Variants in OS9 observed in about 807,000 individuals in gnomAD.
OS9 encodes the protein OS9 endoplasmic reticulum lectin.
OS9 carries 58 observed loss-of-function variants against 84.7 expected under a neutral mutation model. The observed-to-expected ratio is 0.68, with a 90% CI of 0.55 to 0.85. The LOEUF (loss-of-function observed/expected upper bound fraction) is 0.85, where lower values mean the gene tolerates loss of function less well. Among genes scored for constraint, OS9 ranks in the 40% least tolerant of loss-of-function variants. OS9 has a pLI of 0.00. For synonymous variants in OS9, 278 were observed against 320.8 expected (o/e 0.87, Z 1.43); for missense variants, 760 against 850.9 (o/e 0.89, Z 1.33).
chr12:57,721,039 G>T lies in OS9; in HGVS notation c.*130G>T. 2 of 1,095,366 alleles carry T rather than the reference G, an allele frequency of 1.8e-6. No individual in the cohort carries two copies. The highest frequency in any genetic ancestry group is 1.5e-5 in the South Asian group (1 of 68,530). The allele number at this position is 1,095,366 out of a possible 1,614,324, so 67.9% of individuals were successfully genotyped here. ...GTGGAGCTGAGCTGTGGACCTCTCG[G>T]GCAACTCTGTGGGTGTGGGGGCCCT... On this transcript the variant is annotated 3_prime_UTR_variant, in exon 15 of 15. Transcript: ENST00000315970.
In OS9 at chr12:57,720,132, T is replaced by C. The variant is rs922266615; in HGVS notation, c.1634T>C (p.Val545Ala). The change falls in exon 13 of 15, where the codon GTC becomes GCC. Residue 545 changes from valine to alanine, a missense_variant. Coordinates refer to ENST00000315970, the MANE Select transcript of OS9 (RefSeq NM_006812.4). Reference sequence around the variant, plus strand: ...CCTGAGCACAGAGTCCGGGTCCGGGTCACCAAGCTCCGTCTCGGAGGCCCT... The same window carrying C: ...CCTGAGCACAGAGTCCGGGTCCGGGCCACCAAGCTCCGTCTCGGAGGCCCT... ...EDPEHRVRVR[V>A]TKLRLGGPNQ... The C allele has an allele frequency of 1.9e-6, 3 of 1,613,518 alleles. No individual in the cohort carries two copies. Among genetic ancestry groups the C allele is most frequent in the African/African-American group, 2.7e-5 (2 of 74,740 alleles).
At chr12:57,702,146 A>AACAGTCTTT (rs1161118014) in intron 5 of OS9, among the ~76,000 whole-genome samples, 1 of 152,190 alleles carries the variant, frequency 6.6e-6, no homozygotes, top group Non-Finnish European at 1.5e-5. Flanking sequence ...TTATCATTCT[A>AACAGTCTTT]ACAGTCTTTA....
chr12:57,712,224 T>A (rs1954353381), intron 5 of OS9, among the ~76,000 whole-genome samples: 1 of 152,222 alleles, frequency 6.6e-6, no homozygotes, highest in Non-Finnish European at 1.5e-5. Flanking sequence ...GTCAAGATTT[T>A]GTTTTTAAAA....
chr12:57,710,520 C>T (rs1291617242), intron 5 of OS9, among the ~76,000 whole-genome samples: 1 of 152,048 alleles, frequency 6.6e-6, no homozygotes, highest in Non-Finnish European at 1.5e-5. Context: ...TTCCTTCCTT[C>T]TACTTTTCTG....
chr12:57,695,108 T>C (rs1953786906), intron 2 of OS9, 182 bp downstream of exon 2: 3 of 608,558 alleles, frequency 4.9e-6, no homozygotes, highest in Non-Finnish European at 8.7e-6. Context: ...GATGACACTT[T>C]GCTGAACGTA....
intron 13 of OS9, 29 bp downstream of exon 13, chr12:57,720,292 T>A: frequency 6.2e-7 from 1 of 1,612,938 alleles, no homozygotes; most frequent in Middle Eastern, 1.7e-4. Context: ...CTGGACCCAG[T>A]GCTGTCGGAA....
chr12:57,700,765 G>A (rs1227016043), intron 5 of OS9, among the ~76,000 whole-genome samples: 2 of 151,312 alleles, frequency 1.3e-5, no homozygotes, highest in Admixed American at 6.6e-5. Context: ...AGGTACAGTA[G>A]AAAAAGTGAG....
intron 5 of OS9, among the ~76,000 whole-genome samples, chr12:57,715,286 C>T (rs974021264): frequency 2.0e-5 from 3 of 152,070 alleles, no homozygotes; most frequent in Non-Finnish European, 4.4e-5. Context: ...TCGCTTGAAC[C>T]CAGGAGGCGG....
At chr12:57,711,994 G>T (rs935561787) in intron 5 of OS9, among the ~76,000 whole-genome samples, 1 of 152,178 alleles carries the variant, frequency 6.6e-6, no homozygotes, top group Admixed American at 6.5e-5. Context: ...GATATTTAAA[G>T]ATTGTCTTTT....
At chr12:57,716,301 A>G in intron 7 of OS9, 108 bp downstream of exon 7, 1 of 1,035,312 alleles carries the variant, frequency 9.7e-7, no homozygotes, top group Non-Finnish European at 1.5e-6. Flanking sequence ...GAAAAGTACC[A>G]TGGGCCCTCC....
intron 5 of OS9, among the ~76,000 whole-genome samples, chr12:57,709,318 G>A (rs188936452): frequency 3.9e-5 from 6 of 152,154 alleles, no homozygotes. Flanking sequence ...TTCACTCTGA[G>A]TACTATTTTG....
chr12:57,715,563 T>C, intron 5 of OS9, 197 bp from the exon 6 acceptor site: 1 of 504,008 alleles, frequency 2.0e-6, no homozygotes. Context: ...ACCTGTTTCT[T>C]GAGGCACGAA....
At position 57,719,142 on chromosome 12, in the gene OS9, G is replaced by C; in HGVS notation, c.1560G>C (p.Arg520Ser). 5 of 1,614,106 alleles carry C rather than the reference G, an allele frequency of 3.1e-6. No individual in the cohort carries two copies. The highest frequency in any genetic ancestry group is 4.2e-6 in the Non-Finnish European group (5 of 1,180,024). Residue 520 changes from arginine (R) to serine (S), a missense_variant, in exon 12 of 15, where the codon AGG becomes AGC. Coordinates refer to ENST00000315970, the MANE Select transcript of OS9 (RefSeq NM_006812.4). ...TGGTGAAGAAGCACAAGAAAAAGAG[G>C]GTTGTCCCCAAAAAGCCTCCCCCAT... ...PELVKKHKKK[R>S]VVPKKPPPSP... is the part of the protein sequence containing the mutation.
At chr12:57,718,919 C>G in intron 11 of OS9, 74 bp from the exon 12 acceptor site, 1 of 1,061,542 alleles carries the variant, frequency 9.4e-7, no homozygotes, top group Non-Finnish European at 1.4e-6. Flanking sequence ...ATCAGACTCT[C>G]CTACAGAGCC....
At chr12:57,702,198 CACT>C (rs1210215004) in intron 5 of OS9, among the ~76,000 whole-genome samples, 1 of 152,324 alleles carries the variant, frequency 6.6e-6, no homozygotes, top group East Asian at 1.9e-4. Context: ...CTATCACCAT[CACT>C]ACTATTTCCA....
Position 57,694,814 on chromosome 12 carries a change from C to T in OS9, c.227C>T (p.Pro76Leu). 6.2e-7 allele frequency: 1 copy of T among 1,614,044 alleles called. No homozygotes were observed. Among genetic ancestry groups the T allele is most frequent in the Non-Finnish European group, 8.5e-7 (1 of 1,179,914 alleles). ...AAACAGCGCTATGAGTGTCGCCTGC[C>T]AGCTGGAGCTATTCACTTCCAGCGT... ...KYKQRYECRL[P>L]AGAIHFQRER... The change falls in exon 2 of 15, where the codon CCA becomes CTA. Residue 76 changes from proline to leucine, a missense_variant. Physicochemically the swap from Pro to Leu is moderately conservative, Grantham distance 98. Transcript: ENST00000315970.
intron 12 of OS9, 200 bp downstream of exon 12, chr12:57,719,382 G>C: frequency 1.7e-6 from 1 of 585,150 alleles, no homozygotes; most frequent in South Asian, 2.1e-5. Flanking sequence ...ATCCCTCTGG[G>C]AAGCAGCTTT....
chr12:57,703,982 C>T (rs558477157), intron 5 of OS9, among the ~76,000 whole-genome samples: 1 of 151,478 alleles, frequency 6.6e-6, no homozygotes, highest in Non-Finnish European at 1.5e-5. Context: ...TGAAGACATT[C>T]CCTCCTATTC....
intron 5 of OS9, among the ~76,000 whole-genome samples, chr12:57,704,963 C>T (rs11172305): frequency 0.1 from 15,901 of 152,188 alleles, 1,123 homozygotes; most frequent in Admixed American, 0.21. Context: ...GACCTAGATA[C>T]ACCTATTTTC....
Sources: gnomAD v4.1 joint callset for allele counts (sites outside exome capture counted in the v4.1 genomes callset) on GRCh38, gnomAD v4.1.1 for gene constraint, MANE v1.5 for transcripts, NCBI Gene and HGNC (gene_info 2026-07-23, HGNC 2026-07-21) for gene names.